Variants in TTC29 observed in about 807,000 individuals in gnomAD.
The protein encoded by TTC29 is tetratricopeptide repeat domain 29.
In TTC29, 49 loss-of-function variants were observed where a neutral mutation model predicts 58.1. That is an observed-to-expected ratio of 0.84 (90% CI 0.67 to 1.07). The LOEUF is 1.07. Among genes scored for constraint, TTC29 ranks in the 50% least tolerant of loss-of-function variants. The pLI is 0.00. For synonymous variants in TTC29, 209 were observed against 196.8 expected, an observed-to-expected ratio of 1.06 and a Z score of -0.52; for missense variants, 582 against 555.6, an observed-to-expected ratio of 1.05 and a Z score of -0.48.
At chr4:146,711,858 G>C (rs1742516618) in intron 11 of TTC29, among the ~76,000 whole-genome samples, 1 of 152,032 alleles carries the variant, frequency 6.6e-6, no homozygotes, top group African/African-American at 2.4e-5. Flanking sequence ...GTATATCAAT[G>C]TTAATATAAT....
chr4:146,818,463 G>A (rs572801894), intron 10 of TTC29, among the ~76,000 whole-genome samples: 33 of 152,316 alleles, frequency 2.2e-4, no homozygotes, highest in African/African-American at 7.7e-4. Context: ...TGGAGAAATA[G>A]GAACACTTTT....
At position 146,733,837 on chromosome 4, in the gene TTC29, T is replaced by C. The variant is rs1477247571; in HGVS notation, c.1331-26286A>G. Among the ~76,000 whole-genome samples the C allele has an allele frequency of 2.6e-5, 4 of 152,274 alleles. No individual in the cohort carries two copies. In the South Asian group the frequency reaches 8.3e-4, roughly 32 times the overall value. Reference sequence around the variant, plus strand: ...AGACATCTACTTTTGTCTGAGAGATTATGGGGGTCTCTTTCACTGCATCAG... The same window carrying C: ...AGACATCTACTTTTGTCTGAGAGATCATGGGGGTCTCTTTCACTGCATCAG... On this transcript the variant is annotated intron_variant, in intron 11 of 12. Coordinates refer to ENST00000325106, the MANE Select transcript of TTC29 (RefSeq NM_031956.4).
rs554297094 is a variant in TTC29 at position 146,944,423 on chromosome 4, C to G, written c.-7+608G>C. 8 of 152,224 alleles carry G rather than the reference C, an allele frequency of 5.3e-5. No homozygotes were observed. In the East Asian group the frequency reaches 1.4e-3, roughly 26 times the overall value. 9.4% of individuals were successfully genotyped at this position (152,224 alleles called of 1,614,324 possible). A position where few individuals can be genotyped will look rare whatever the true frequency, so the allele number is the denominator to read the frequency against. ...AGTGCTAGGTCAGGCTGAATGTGTC[C>G]CATGGTGTGAGCTTAAATTTTTGGC... On this transcript the variant is annotated intron_variant, in intron 2 of 12. Transcript: ENST00000325106.
chr4:146,734,726 T>C lies in TTC29; in HGVS notation c.1331-27175A>G, dbSNP rs375261850. The stretch of plus-strand genomic sequence containing the variant: ...TCACAGAAGACTTCTATGTTGATGA[T>C]TGCTGTGGTGTGAAAGTAGAGGAAA... On this transcript the variant is annotated intron_variant, in intron 11 of 12. Transcript: ENST00000325106. Among the ~76,000 whole-genome samples the C allele has an allele frequency of 3.3e-5, 5 of 152,224 alleles. No individual in the cohort carries two copies. In the East Asian group the frequency reaches 9.7e-4, roughly 29 times the overall value.
intron 4 of TTC29, among the ~76,000 whole-genome samples, chr4:146,914,215 T>C (rs1734076477): frequency 6.6e-6 from 1 of 152,142 alleles, no homozygotes; most frequent in Non-Finnish European, 1.5e-5. Flanking sequence ...ATCTCTACCA[T>C]TAGATTTGAA....
chr4:146,916,800 TG>T (rs1371655814), intron 4 of TTC29, among the ~76,000 whole-genome samples: 3 of 151,464 alleles, frequency 2.0e-5, no homozygotes, highest in African/African-American at 7.2e-5. Context: ...AAGTTATGCA[TG>T]GTATTCTATC....
Position 146,830,029 on chromosome 4 carries a change from A to G in TTC29, c.977+3777T>C, listed in dbSNP as rs552406913. Among the ~76,000 whole-genome samples the G allele has an allele frequency of 1.3e-3, 201 of 152,300 alleles. 1 individual carries two copies. Among genetic ancestry groups the G allele is most frequent in the African/African-American group, 4.4e-3 (182 of 41,578 alleles). ...TACTCAAACTGTCTGTCTGTATGAT[A>G]ATAATATTTACTTGTAATTTCTCAA... On this transcript the variant is annotated intron_variant, in intron 9 of 12. Transcript: ENST00000325106.
intron 11 of TTC29, among the ~76,000 whole-genome samples, chr4:146,776,665 G>A (rs1057430450): frequency 3.9e-5 from 6 of 152,268 alleles, no homozygotes; most frequent in South Asian, 2.1e-4. Flanking sequence ...CTCCTGGTCC[G>A]CTGGCCACAG....
At chr4:146,839,056 G>A (rs1382286038) in intron 8 of TTC29, among the ~76,000 whole-genome samples, 3 of 151,892 alleles carry the variant, frequency 2.0e-5, no homozygotes, top group Non-Finnish European at 1.5e-5. Context: ...AAAGACCACT[G>A]TAGAGTCACA....
intron 4 of TTC29, among the ~76,000 whole-genome samples, chr4:146,919,157 T>G (rs1734424407): frequency 6.6e-6 from 1 of 150,938 alleles, no homozygotes; most frequent in South Asian, 2.1e-4. Context: ...ATTAAATGAG[T>G]GTTAAAGGAG....
At chr4:146,810,677 G>A (rs1415390301) in intron 10 of TTC29, among the ~76,000 whole-genome samples, 3 of 137,914 alleles carry the variant, frequency 2.2e-5, no homozygotes, top group Non-Finnish European at 3.0e-5. Flanking sequence ...CGCAACCTCT[G>A]TCTCCCAGGT....
chr4:146,756,224 T>C (rs927809329), intron 11 of TTC29, among the ~76,000 whole-genome samples: 1 of 150,216 alleles, frequency 6.7e-6, no homozygotes, highest in African/African-American at 2.5e-5. Flanking sequence ...AGTGAGCAGA[T>C]TGTACCACTG....
chr4:146,707,266 G>A (rs956763474), intron 12 of TTC29, 78 bp from the exon 13 acceptor site: 2 of 1,067,428 alleles, frequency 1.9e-6, no homozygotes, highest in Middle Eastern at 3.1e-4. Flanking sequence ...AAAATAATTT[G>A]TTTTCTGTAA....
Position 146,945,786 on chromosome 4 carries a change from G to A in TTC29, c.-131C>T, listed in dbSNP as rs1736886210. The A allele has an allele frequency of 6.6e-6, 1 of 152,478 alleles. No individual in the cohort carries two copies. The allele number at this position is 152,478 out of a possible 1,614,324, so 9.4% of individuals were successfully genotyped here. On this transcript the variant is annotated 5_prime_UTR_variant, in exon 1 of 13. Transcript: ENST00000325106. ...AGTCCCCCACCGGCGGCAGGTGCTG[G>A]GCGTTGGCGCTGCCCCCTCCTCTCT...
intron 6 of TTC29, among the ~76,000 whole-genome samples, chr4:146,901,811 A>T (rs1374731859): frequency 6.6e-6 from 1 of 152,202 alleles, no homozygotes; most frequent in Admixed American, 6.5e-5. Flanking sequence ...CTTAACACTG[A>T]CTTAATATTA....
chr4:146,927,114 A>G (rs545843180), intron 4 of TTC29, among the ~76,000 whole-genome samples: 1 of 151,790 alleles, frequency 6.6e-6, no homozygotes, highest in East Asian at 1.9e-4. Context: ...AGACACTTAC[A>G]TTGCAGTTCA....
intron 7 of TTC29, among the ~76,000 whole-genome samples, chr4:146,871,451 A>G (rs1730924476): frequency 6.6e-6 from 1 of 151,980 alleles, no homozygotes. Context: ...TAAGGCACAT[A>G]GATAGAAGGG....
chr4:146,897,106 G>T (rs1732821342), intron 6 of TTC29, among the ~76,000 whole-genome samples: 1 of 152,070 alleles, frequency 6.6e-6, no homozygotes, highest in Admixed American at 6.6e-5. Context: ...AGTCTTAGGG[G>T]TGAAGCTTCT....
chr4:146,762,691 G>T (rs1318453197), intron 11 of TTC29, among the ~76,000 whole-genome samples: 1 of 151,748 alleles, frequency 6.6e-6, no homozygotes, highest in Admixed American at 6.6e-5. Flanking sequence ...ATCATAAAAT[G>T]CATTTTGATT....
Sources: gnomAD v4.1 joint callset for allele counts (sites outside exome capture counted in the v4.1 genomes callset) on GRCh38, gnomAD v4.1.1 for gene constraint, MANE v1.5 for transcripts, NCBI Gene and HGNC (gene_info 2026-07-23, HGNC 2026-07-21) for gene names.